The following TNFSF11 variants were observed in gnomAD, a reference collection of about 807,000 sequenced individuals.
TNFSF11 encodes the protein tumor necrosis factor ligand superfamily member 11.
TNFSF11 carries 12 observed loss-of-function variants against 32.2 expected under a neutral mutation model. The ratio of observed to expected loss-of-function variants is 0.37; its 90% confidence interval spans 0.24 to 0.60. The LOEUF is 0.60. TNFSF11 is among the 20% of genes least tolerant of loss of function. The pLI is 0.66. For missense variants in TNFSF11, 345 were observed against 398.0 expected, an observed-to-expected ratio of 0.87 and a Z score of 1.13; for synonymous variants, 172 against 152.1, an observed-to-expected ratio of 1.13 and a Z score of -0.96.
At chr13:42,591,214 T>C (rs1868454266) in intron 2 of TNFSF11, among the ~76,000 whole-genome samples, 1 of 152,212 alleles carries the variant, frequency 6.6e-6, no homozygotes. Flanking sequence ...TGGGAGAATT[T>C]GATTAGTCAG....
intron 1 of TNFSF11, among the ~76,000 whole-genome samples, chr13:42,564,460 G>A (rs1383462673): frequency 1.3e-5 from 2 of 152,114 alleles, no homozygotes; most frequent in East Asian, 3.9e-4. Context: ...CCACCTACTT[G>A]GTAGGCTGAG....
At chr13:42,588,383 C>T (rs1195827188) in intron 2 of TNFSF11, among the ~76,000 whole-genome samples, 1 of 152,056 alleles carries the variant, frequency 6.6e-6, no homozygotes, top group Non-Finnish European at 1.5e-5. Flanking sequence ...GTTACAAGTA[C>T]CCCAGGATGG....
chr13:42,581,665 C>G (rs1423420096), intron 2 of TNFSF11, among the ~76,000 whole-genome samples: 1 of 152,208 alleles, frequency 6.6e-6, no homozygotes, highest in African/African-American at 2.4e-5. Flanking sequence ...TTTCTGGTAG[C>G]TGTTTCCTTT....
chr13:42,586,129 A>G (rs1295761949), intron 2 of TNFSF11, among the ~76,000 whole-genome samples: 1 of 152,268 alleles, frequency 6.6e-6, no homozygotes, highest in African/African-American at 2.4e-5. Context: ...ATAAATACAT[A>G]TGTACATTTC....
At chr13:42,572,863 GAA>G (rs1419423245), upstream of TNFSF11, among the ~76,000 whole-genome samples, 7 of 152,278 alleles carry the variant, frequency 4.6e-5, no homozygotes, top group East Asian at 7.7e-4. Context: ...GAATTAGGCA[GAA>G]AGAGGATGCA....
At chr13:42,575,112 C>T (rs1485142732) in intron 1 of TNFSF11, among the ~76,000 whole-genome samples, 1 of 152,224 alleles carries the variant, frequency 6.6e-6, no homozygotes, top group East Asian at 1.9e-4. Flanking sequence ...ACCAGAGAGG[C>T]GCGGGCTCGG....
chr13:42,574,979 G>T (rs988854968), intron 1 of TNFSF11, among the ~76,000 whole-genome samples: 2 of 152,248 alleles, frequency 1.3e-5, no homozygotes, highest in Non-Finnish European at 2.9e-5. Flanking sequence ...GGCGGGTTTC[G>T]GTTCCTGCGC....
In TNFSF11 at chr13:42,600,871, T is replaced by C; in HGVS notation, c.434-12T>C. On this transcript the variant is annotated splice_polypyrimidine_tract_variant and intron_variant, in intron 3 of 4. Coordinates refer to ENST00000398795, the MANE Select transcript of TNFSF11 (RefSeq NM_003701.4). ...ATTTTGGCTATAATAATATGGTTTCTCTCATCTCCAGCGATGGTGGATGGC... is the reference window on the plus strand; with the variant it reads ...ATTTTGGCTATAATAATATGGTTTCCCTCATCTCCAGCGATGGTGGATGGC... The C allele has an allele frequency of 6.2e-7, 1 of 1,614,154 alleles. No individual in the cohort carries two copies. The highest frequency in any genetic ancestry group is 8.5e-7 in the Non-Finnish European group (1 of 1,180,018).
In TNFSF11 at chr13:42,590,816, T is replaced by G. The variant is rs116630328; in HGVS notation, c.387+9523T>G. On this transcript the variant is annotated intron_variant, in intron 2 of 4. Transcript: ENST00000398795. ...TTATCTGTAGCAGAAGCTTTCTCATTTAAACCATGAAGGTTAAACAATAAA... is the reference window on the plus strand; with the variant it reads ...TTATCTGTAGCAGAAGCTTTCTCATGTAAACCATGAAGGTTAAACAATAAA... Among the ~76,000 whole-genome samples, 459 of 152,344 alleles carry G rather than the reference T, an allele frequency of 3.0e-3. 5 individuals are homozygous for G. Among genetic ancestry groups the G allele is most frequent in the African/African-American group, 0.01 (421 of 41,568 alleles).
intron 2 of TNFSF11, among the ~76,000 whole-genome samples, chr13:42,587,369 G>A (rs1873947876): frequency 6.6e-6 from 1 of 152,158 alleles, no homozygotes; most frequent in Admixed American, 6.5e-5. Context: ...TAACTAATAG[G>A]CAAAAAGGAG....
At chr13:42,574,122 T>G, upstream of TNFSF11, 1 of 726,974 alleles carries the variant, frequency 1.4e-6, no homozygotes, top group Non-Finnish European at 2.2e-6. Flanking sequence ...CTCCAAGCGG[T>G]TTATAAGAGT....
intron 2 of TNFSF11, among the ~76,000 whole-genome samples, chr13:42,583,634 A>G (rs1450230744): frequency 1.3e-5 from 2 of 151,990 alleles, no homozygotes; most frequent in African/African-American, 4.8e-5. Context: ...TCTTGATGTT[A>G]TTACGAATGT....
chr13:42,586,772 A>G (rs1433756790), intron 2 of TNFSF11, among the ~76,000 whole-genome samples: 1 of 152,226 alleles, frequency 6.6e-6, no homozygotes, highest in Non-Finnish European at 1.5e-5. Context: ...GTCTCTAAAG[A>G]CTTAACTGGA....
chr13:42,598,908 C>T (rs1347354745), intron 2 of TNFSF11, among the ~76,000 whole-genome samples: 1 of 152,080 alleles, frequency 6.6e-6, no homozygotes, highest in Admixed American at 6.5e-5. Context: ...ATTGAGAACC[C>T]GGAGGTCTTG....
intron 2 of TNFSF11, among the ~76,000 whole-genome samples, chr13:42,589,218 T>G (rs1437651216): frequency 6.6e-6 from 1 of 152,192 alleles, no homozygotes; most frequent in East Asian, 1.9e-4. Context: ...CACCCCAAAC[T>G]GGAAGTCAGA....
upstream of TNFSF11, among the ~76,000 whole-genome samples, chr13:42,570,061 A>C (rs1873008682): frequency 6.6e-6 from 1 of 152,216 alleles, no homozygotes; most frequent in South Asian, 2.1e-4. Flanking sequence ...ATATTTATAA[A>C]TATAACTCAC....
chr13:42,563,152 A>T (rs978738877), intron 1 of TNFSF11, among the ~76,000 whole-genome samples: 6 of 152,332 alleles, frequency 3.9e-5, no homozygotes, highest in Admixed American at 3.3e-4. Flanking sequence ...TTACTAGTCA[A>T]ATAAGTCCCC....
At chr13:42,565,834 G>A (rs1872850063) in intron 1 of TNFSF11, among the ~76,000 whole-genome samples, 1 of 152,154 alleles carries the variant, frequency 6.6e-6, no homozygotes, top group Non-Finnish European at 1.5e-5. Flanking sequence ...GGAGACTGCT[G>A]GAAGGAGGAT....
chr13:42,581,273 T>C lies in TNFSF11; in HGVS notation c.367T>C (p.Phe123Leu). 6.2e-7 allele frequency: 1 copy of C among 1,614,080 alleles called. No homozygotes were observed. The change falls in exon 2 of 5, where the codon TTT becomes CTT. Residue 123 changes from phenylalanine (F) to leucine (L), a missense_variant. Phe to Leu is a conservative substitution (Grantham distance 22). Around this residue, in one of 2 missense-constraint regions of TNFSF11, gnomAD observed 197 missense variants for 182.0 expected, o/e 1.08. Coordinates refer to ENST00000398795, the MANE Select transcript of TNFSF11 (RefSeq NM_003701.4). ...PDSCRRIKQA[F>L]QGAVQKELQH... ...TTCATGTAGGAGAATTAAACAGGCC[T>C]TTCAAGGAGCTGTGCAAAAGGTAAG... is the stretch of plus-strand genomic sequence containing the variant.
Sources: allele counts gnomAD v4.1 joint callset (sites outside exome capture counted in the v4.1 genomes callset), GRCh38; gene constraint gnomAD v4.1.1; regional missense constraint gnomAD v4.1.1; transcripts MANE v1.5; gene names NCBI Gene and HGNC (gene_info 2026-07-23, HGNC 2026-07-21).